Variants in FFAR4 observed in about 807,000 individuals in gnomAD.
The protein encoded by FFAR4 is free fatty acid receptor 4.
In FFAR4, 19 loss-of-function variants were observed where a neutral mutation model predicts 27.0. The observed-to-expected ratio is 0.70, with a 90% CI of 0.49 to 1.03. The LOEUF is 1.03. FFAR4 is among the 50% of genes least tolerant of loss of function. The pLI is 0.00. For synonymous variants in FFAR4, 254 were observed against 215.6 expected (o/e 1.18, Z -1.56); for missense variants, 476 against 479.0 (o/e 0.99, Z 0.06).
At position 93,587,273 on chromosome 10, in the gene FFAR4, C is replaced by A; in HGVS notation, c.750C>A (p.Ser250Arg). 6.2e-7 allele frequency: 1 copy of A among 1,614,098 alleles called. No individual in the cohort carries two copies. The highest frequency in any genetic ancestry group is 1.7e-4 in the Middle Eastern group (1 of 6,060). ...CGGTAAGCCTGGCCTACTCGGAGAG[C>A]CACCAGATCCGCGTGTCCCAGCAGG... ...RLTVSLAYSE[S>R]HQIRVSQQDF... The change falls in exon 3 of 3, where the codon AGC becomes AGA. Residue 250 changes from serine to arginine, a missense_variant. By Grantham distance (110) the Ser-to-Arg change is moderately radical (BLOSUM62 -1). Coordinates refer to ENST00000371481, the MANE Select transcript of FFAR4 (RefSeq NM_001195755.2).
At chr10:93,582,842 A>G (rs1051644480) in intron 2 of FFAR4, among the ~76,000 whole-genome samples, 5 of 152,182 alleles carry the variant, frequency 3.3e-5, no homozygotes, top group African/African-American at 1.2e-4. Flanking sequence ...ACTTGCAATC[A>G]TGGCAGAAGG....
Position 93,573,402 on chromosome 10 carries a change from G to T in FFAR4, c.568-2689G>T, listed in dbSNP as rs1196769329. On this transcript the variant is annotated intron_variant, in intron 1 of 2. Coordinates refer to ENST00000371481, the MANE Select transcript of FFAR4 (RefSeq NM_001195755.2). Reference sequence around the variant, plus strand: ...CAGAAAAAGTACAGAGAATATAATAGGACTCACATCCCCACCTTCCAGACT... The same window carrying T: ...CAGAAAAAGTACAGAGAATATAATATGACTCACATCCCCACCTTCCAGACT... Among the ~76,000 whole-genome samples, 3 of 152,262 alleles carry T rather than the reference G, an allele frequency of 2.0e-5. No homozygotes were observed. In the East Asian group the frequency reaches 5.8e-4, roughly 29 times the overall value.
At chr10:93,584,224 C>T (rs918340697) in intron 2 of FFAR4, among the ~76,000 whole-genome samples, 9 of 144,240 alleles carry the variant, frequency 6.2e-5, no homozygotes, top group African/African-American at 2.0e-4. Context: ...CGTTTGAGCC[C>T]GAGGTGGTGC....
rs764092418 is a variant in FFAR4, at chr10:93,566,707, G to A, written c.-14G>A. Reference sequence around the variant, plus strand: ...GCACTCTCTCAGACCGCTGCGGGCCGCCAGGCGCCGGGAATGTCCCCTGAA... The same window carrying A: ...GCACTCTCTCAGACCGCTGCGGGCCACCAGGCGCCGGGAATGTCCCCTGAA... On this transcript the variant is annotated 5_prime_UTR_variant, in exon 1 of 3. Transcript: ENST00000371481. 2 of 1,541,956 alleles carry A rather than the reference G, an allele frequency of 1.3e-6. No homozygotes were observed. The highest frequency in any genetic ancestry group is 1.7e-6 in the Non-Finnish European group (2 of 1,145,854).
chr10:93,582,836 G>A (rs1589678960), intron 2 of FFAR4, among the ~76,000 whole-genome samples: 6 of 152,294 alleles, frequency 3.9e-5, no homozygotes, highest in African/African-American at 1.4e-4. Context: ...CAGGAAACTT[G>A]CAATCATGGC....
chr10:93,575,938 G>A (rs2058161124), intron 1 of FFAR4, among the ~76,000 whole-genome samples, 153 bp from the exon 2 acceptor site: 1 of 152,152 alleles, frequency 6.6e-6, no homozygotes, highest in African/African-American at 2.4e-5. Context: ...GGATTGTGGT[G>A]GGCAGTGGGA....
intron 1 of FFAR4, among the ~76,000 whole-genome samples, chr10:93,574,854 G>A (rs1029206577): frequency 2.6e-5 from 4 of 152,066 alleles, no homozygotes; most frequent in East Asian, 3.9e-4. Context: ...AGCCGAGATC[G>A]CGCCACCGCA....
intron 1 of FFAR4, among the ~76,000 whole-genome samples, chr10:93,574,296 GA>G (rs1179980002): frequency 2.6e-5 from 4 of 152,176 alleles, no homozygotes; most frequent in African/African-American, 9.7e-5. Context: ...AGACATTCTG[GA>G]AAAGGCTTTT....
At chr10:93,573,305 C>T (rs556469422) in intron 1 of FFAR4, among the ~76,000 whole-genome samples, 2 of 152,336 alleles carry the variant, frequency 1.3e-5, no homozygotes, top group South Asian at 2.1e-4. Context: ...TTCTGTAACT[C>T]AGTAACAAGG....
In FFAR4 at chr10:93,566,961, C is replaced by T. The variant is rs552384762; in HGVS notation, c.241C>T (p.Leu81Phe). Residue 81 changes from leucine to phenylalanine, a missense_variant, in exon 1 of 3, where the codon CTC (leucine) becomes TTC (phenylalanine). Leu to Phe is a conservative substitution (Grantham distance 22). Coordinates refer to ENST00000371481, the MANE Select transcript of FFAR4 (RefSeq NM_001195755.2). ...CGCGACTGCCTGCCTGGTACTCAAC[C>T]TCTTCTGCGCGGACCTGCTCTTCAT... Reference protein sequence around the residue: ...RGATACLVLNLFCADLLFISA... With the variant: ...RGATACLVLNFFCADLLFISA... 8 of 1,611,894 alleles carry T rather than the reference C, an allele frequency of 5.0e-6. No homozygotes were observed. The Admixed American group carries it at 1.0e-4, about 20-fold the overall frequency.
chr10:93,579,693 T>C (rs2058187620), intron 2 of FFAR4, among the ~76,000 whole-genome samples: 2 of 152,328 alleles, frequency 1.3e-5, no homozygotes, highest in South Asian at 4.1e-4. Context: ...TCATTGTAGG[T>C]GCTCAATAAA....
chr10:93,573,164 C>T (rs1026338656), intron 1 of FFAR4, among the ~76,000 whole-genome samples: 1 of 152,220 alleles, frequency 6.6e-6, no homozygotes, highest in South Asian at 2.1e-4. Context: ...CTGCCTCCCT[C>T]CCTCCTGGAG....
Position 93,566,940 on chromosome 10 carries a change from A to G in FFAR4, c.220A>G (p.Thr74Ala), listed in dbSNP as rs1441940955. The change falls in exon 1 of 3, where the codon ACT (threonine) becomes GCT (alanine). Residue 74 changes from threonine (T) to alanine (A), a missense_variant. By Grantham distance (58) the Thr-to-Ala change is moderately conservative (BLOSUM62 0). Coordinates refer to ENST00000371481, the MANE Select transcript of FFAR4 (RefSeq NM_001195755.2). Reference sequence around the variant, plus strand: ...GGCGCGCCGACGACGCCGCGGCGCGACTGCCTGCCTGGTACTCAACCTCTT... The same window carrying G: ...GGCGCGCCGACGACGCCGCGGCGCGGCTGCCTGCCTGGTACTCAACCTCTT... ...LVARRRRRGATACLVLNLFCA... is the reference protein window; with the variant it reads ...LVARRRRRGAAACLVLNLFCA... 6.2e-7 allele frequency: 1 copy of G among 1,610,316 alleles called. No homozygotes were observed. The highest frequency in any genetic ancestry group is 2.2e-5 in the East Asian group (1 of 44,744).
chr10:93,577,730 T>G (rs77232000), intron 2 of FFAR4, among the ~76,000 whole-genome samples: 2,011 of 152,322 alleles, frequency 0.013, 48 homozygotes, highest in African/African-American at 0.046. Context: ...AGGAACTGAC[T>G]CTTTAATTCT....
At chr10:93,586,946 A>G (rs2058230652) in intron 2 of FFAR4, among the ~76,000 whole-genome samples, 1 of 152,208 alleles carries the variant, frequency 6.6e-6, no homozygotes, top group African/African-American at 2.4e-5. Flanking sequence ...AAAAAATAAC[A>G]GGGAAGATGT....
intron 1 of FFAR4, among the ~76,000 whole-genome samples, chr10:93,575,688 A>G (rs1252412320): frequency 6.6e-6 from 1 of 152,206 alleles, no homozygotes. Context: ...GTTATGTAGC[A>G]TGTCCTTTCC....
chr10:93,586,836 G>A (rs1253476396), intron 2 of FFAR4, among the ~76,000 whole-genome samples: 9 of 152,156 alleles, frequency 5.9e-5, no homozygotes, highest in Admixed American at 4.6e-4. Context: ...GGGTAGAGAA[G>A]GCCAGATGTT....
rs771655076 is a variant in FFAR4, at chr10:93,567,154, G to A, written c.434G>A (p.Arg145His). The A allele has an allele frequency of 1.8e-5, 29 of 1,605,326 alleles. No individual in the cohort carries two copies. The East Asian group carries it at 6.3e-4, about 35-fold the overall frequency. ...ATGGTGTGCATCGTGCACCTGCAGC[G>A]CGGCGTGCGGGGTCCTGGGCGGCGG... Reference protein sequence around the residue: ...ERMVCIVHLQRGVRGPGRRAR... With the variant: ...ERMVCIVHLQHGVRGPGRRAR... Residue 145 changes from arginine to histidine, a missense_variant, in exon 1 of 3, where the codon CGC becomes CAC. Transcript: ENST00000371481.
chr10:93,585,124 G>A (rs1475002238), intron 2 of FFAR4, among the ~76,000 whole-genome samples: 4 of 152,214 alleles, frequency 2.6e-5, no homozygotes, highest in Non-Finnish European at 5.9e-5. Flanking sequence ...AGATTCAGGA[G>A]TCTTGGGGGA....
Sources: gnomAD v4.1 joint callset for allele counts (sites outside exome capture counted in the v4.1 genomes callset) on GRCh38, gnomAD v4.1.1 for gene constraint, MANE v1.5 for transcripts, NCBI Gene and HGNC (gene_info 2026-07-23, HGNC 2026-07-21) for gene names.